The following USP9X variants were observed in gnomAD, a reference collection of about 807,000 sequenced individuals.
The protein encoded by USP9X is ubiquitin carboxyl-terminal hydrolase 9X.
USP9X carries 7 observed loss-of-function variants against 190.3 expected under a neutral mutation model. The observed-to-expected ratio is 0.04, with a 90% CI of 0.02 to 0.07. USP9X has a LOEUF of 0.07. USP9X is among the 10% of genes least tolerant of loss of function. USP9X has a pLI of 1.00. For missense variants in USP9X, 1,010 were observed against 1,916.9 expected, an observed-to-expected ratio of 0.53 and a Z score of 8.83; for synonymous variants, 645 against 659.5, an observed-to-expected ratio of 0.98 and a Z score of 0.34.
intron 1 of USP9X, among the ~76,000 whole-genome samples, chrX:41,106,240 A>G (rs761357336): frequency 1.8e-5 from 2 of 111,569 alleles, no homozygotes; most frequent in South Asian, 7.4e-4. Context: ...CTCATGTTTC[A>G]TTCTAAGAGT....
At chrX:41,226,243 A>G (rs190099296) in intron 41 of USP9X, among the ~76,000 whole-genome samples, 19 of 112,404 alleles carry the variant, frequency 1.7e-4, no homozygotes, top group African/African-American at 5.8e-4. Context: ...AACTAAGGTT[A>G]TCCAGCTTAA....
Position 41,165,859 on chromosome X carries a change from A to C in USP9X, c.1986-13A>C, listed in dbSNP as rs181844003. ...ACATAAATCTAATTGCCAATTTTCAATGTTTTTTCAAGATTTTTATTGAAG... is the reference window on the plus strand; with the variant it reads ...ACATAAATCTAATTGCCAATTTTCACTGTTTTTTCAAGATTTTTATTGAAG... On this transcript the variant is annotated splice_polypyrimidine_tract_variant and intron_variant, in intron 15 of 44. Coordinates refer to ENST00000378308, the MANE Select transcript of USP9X (RefSeq NM_001039591.3). 30 of 1,196,505 alleles carry C rather than the reference A, an allele frequency of 2.5e-5. No homozygotes were observed. The East Asian group carries it at 8.3e-4, about 33-fold the overall frequency.
In USP9X at chrX:41,201,291, G is replaced by C; in HGVS notation, c.4824+11G>C. On this transcript the variant is annotated intron_variant, in intron 31 of 44. Coordinates refer to ENST00000378308, the MANE Select transcript of USP9X (RefSeq NM_001039591.3). ...AAGCAGGACAATGAGGTAAATTTGA[G>C]TTACCATTTCTGTTTTCTGTGTTTC... 1 of 1,188,089 alleles carries C rather than the reference G, an allele frequency of 8.4e-7. No homozygotes were observed. Among genetic ancestry groups the C allele is most frequent in the Non-Finnish European group, 1.1e-6 (1 of 874,200 alleles).
At chrX:41,139,316 TG>T (rs1260583384) in intron 6 of USP9X, among the ~76,000 whole-genome samples, 1 of 68,834 alleles carries the variant, frequency 1.5e-5, no homozygotes, top group Non-Finnish European at 2.8e-5. Context: ...AATACGTTAA[TG>T]GGTTTATTAG....
At chrX:41,140,548 T>C in intron 6 of USP9X, 108 bp from the exon 7 acceptor site, 1 of 525,667 alleles carries the variant, frequency 1.9e-6, no homozygotes, top group Non-Finnish European at 3.1e-6. Flanking sequence ...TGAAAGATGA[T>C]TTATTTTATT....
At chrX:41,111,080 G>C (rs2062105207) in intron 1 of USP9X, among the ~76,000 whole-genome samples, 1 of 111,448 alleles carries the variant, frequency 9.0e-6, no homozygotes. Context: ...CACTGCTATA[G>C]ACTGAACGTT....
chrX:41,228,696 A>G (rs2063335977), intron 41 of USP9X, among the ~76,000 whole-genome samples: 1 of 108,984 alleles, frequency 9.2e-6, no homozygotes, highest in African/African-American at 3.4e-5. Flanking sequence ...TAAATTACAT[A>G]TATGGCAGAA....
At chrX:41,166,261 T>A in intron 16 of USP9X, 47 bp downstream of exon 16, 1 of 921,619 alleles carries the variant, frequency 1.1e-6, no homozygotes, top group Non-Finnish European at 1.5e-6. Flanking sequence ...ATGTACTTTT[T>A]CATGTACGTA....
intron 2 of USP9X, among the ~76,000 whole-genome samples, chrX:41,126,146 T>G (rs2062248811): frequency 8.9e-6 from 1 of 112,153 alleles, no homozygotes; most frequent in Non-Finnish European, 1.9e-5. Flanking sequence ...CTGTCTCTCC[T>G]TTTTCTTCTT....
intron 39 of USP9X, among the ~76,000 whole-genome samples, chrX:41,224,261 A>C (rs755016455): frequency 6.0e-4 from 67 of 111,324 alleles, no homozygotes; most frequent in African/African-American, 2.0e-3. Flanking sequence ...ATCTTGGTAT[A>C]TCTATCTGAT....
At chrX:41,165,822 CG>C (rs2147113364) in intron 15 of USP9X, 49 bp from the exon 16 acceptor site, 1 of 1,095,987 alleles carries the variant, frequency 9.1e-7, no homozygotes. Flanking sequence ...ATTGCCTTTC[CG>C]GATAAAAATT....
chrX:41,119,150 TG>T, intron 1 of USP9X, among the ~76,000 whole-genome samples: 1 of 111,804 alleles, frequency 8.9e-6, no homozygotes. Context: ...TAAGACCTTC[TG>T]GCTTAAAGCA....
chrX:41,125,711 C>CTCTCTCTCTT (rs1555918340), intron 2 of USP9X, among the ~76,000 whole-genome samples: 2 of 104,625 alleles, frequency 1.9e-5, no homozygotes, highest in Non-Finnish European at 2.0e-5. Flanking sequence ...CTCTCTCTCT[C>CTCTCTCTCTT]TCTCTCTCGC....
chrX:41,188,701 G>C (rs980862837), intron 25 of USP9X, among the ~76,000 whole-genome samples: 1 of 111,836 alleles, frequency 8.9e-6, no homozygotes, highest in African/African-American at 3.3e-5. Context: ...ACATCACCCT[G>C]ATTTGCCCAG....
intron 26 of USP9X, among the ~76,000 whole-genome samples, chrX:41,192,639 A>G (rs181885757): frequency 3.6e-5 from 4 of 111,739 alleles, no homozygotes; most frequent in East Asian, 5.6e-4. Flanking sequence ...CAGAAGGCCT[A>G]TGGTGCTAAG....
At chrX:41,186,315 C>G (rs947694223) in intron 23 of USP9X, among the ~76,000 whole-genome samples, 2 of 111,414 alleles carry the variant, frequency 1.8e-5, no homozygotes, top group African/African-American at 6.5e-5. Flanking sequence ...TGGGGATTTG[C>G]AGACACGTGG....
rs189895274 is a variant in USP9X at position 41,132,553 on chromosome X, C to A, written c.322+1017C>A. 4.5e-5 allele frequency among the ~76,000 whole-genome samples: 5 copies of A among 110,885 alleles called. No homozygotes were observed. The Admixed American group carries it at 4.8e-4, about 11-fold the overall frequency. On this transcript the variant is annotated intron_variant, in intron 4 of 44. Transcript: ENST00000378308. ...TCCTGACCTCAGGTGATCCACCCGC[C>A]TTGGCCTCCCAAAGTGCTGGGATTA...
At position 41,229,474 on chromosome X, in the gene USP9X, G is replaced by A. The variant is rs777623373; in HGVS notation, c.7218+65G>A. 23 of 1,147,098 alleles carry A rather than the reference G, an allele frequency of 2.0e-5. No homozygotes were observed. The South Asian group carries it at 4.8e-4, about 24-fold the overall frequency. 94.5% of individuals were successfully genotyped at this position (1,147,098 alleles called of 1,213,427 possible). A position where few individuals can be genotyped will look rare whatever the true frequency, so the allele number is the denominator to read the frequency against. On this transcript the variant is annotated intron_variant, in intron 42 of 44. Coordinates refer to ENST00000378308, the MANE Select transcript of USP9X (RefSeq NM_001039591.3). ...CAGAATTAAGGATTCTGTTTTAAAA[G>A]AAGAGAATCATGAGAACTTGGGGTT... is the stretch of plus-strand genomic sequence containing the variant.
At chrX:41,215,513 C>T (rs2147243976) in intron 34 of USP9X, among the ~76,000 whole-genome samples, 1 of 112,591 alleles carries the variant, frequency 8.9e-6, no homozygotes, top group South Asian at 3.6e-4. Flanking sequence ...TGTAAGGATT[C>T]GGTATGTTTT....
Sources: gnomAD v4.1 joint callset for allele counts (sites outside exome capture counted in the v4.1 genomes callset) on GRCh38, gnomAD v4.1.1 for gene constraint, MANE v1.5 for transcripts, NCBI Gene and HGNC (gene_info 2026-07-23, HGNC 2026-07-21) for gene names.